NUDC: variants seen among roughly 807,000 people sequenced by gnomAD.
NUDC encodes nuclear distribution C, dynein complex regulator, also known as nuclear migration protein nudC.
A neutral mutation model predicts 45.0 loss-of-function variants in NUDC; 14 were observed. The ratio of observed to expected loss-of-function variants is 0.31; its 90% CI spans 0.21 to 0.49. The LOEUF (loss-of-function observed/expected upper bound fraction) is 0.49, where lower values mean the gene tolerates loss of function less well. NUDC is among the 20% of genes least tolerant of loss of function. The pLI, the probability that NUDC is intolerant of heterozygous loss-of-function variation, is 0.99. For missense variants in NUDC, 323 were observed against 426.2 expected, an observed-to-expected ratio of 0.76 and a Z score of 2.13; for synonymous variants, 153 against 156.7, an observed-to-expected ratio of 0.98 and a Z score of 0.17.
Position 26,921,773 on chromosome 1 carries a change from C to G in NUDC, c.-76C>G, listed in dbSNP as rs1014513867. On this transcript the variant is annotated 5_prime_UTR_variant, in exon 1 of 9. Coordinates refer to ENST00000321265, the MANE Select transcript of NUDC (RefSeq NM_006600.4). ...AGGCGGACGACTAGAGTCGTTGGGCCCGGCGCGACCCGCAGGAGCGTAGAG... is the reference window on the plus strand; with the variant it reads ...AGGCGGACGACTAGAGTCGTTGGGCGCGGCGCGACCCGCAGGAGCGTAGAG... 8 of 1,480,334 alleles carry G rather than the reference C, an allele frequency of 5.4e-6. No homozygotes were observed. In the African/African-American group the frequency reaches 5.6e-5, roughly 10 times the overall value. 91.7% of individuals were successfully genotyped at this position (1,480,334 alleles called of 1,614,324 possible). A position where few individuals can be genotyped will look rare whatever the true frequency, so the allele number is the denominator to read the frequency against.
intron 2 of NUDC, among the ~76,000 whole-genome samples, chr1:26,933,662 C>T (rs1391262054): frequency 6.6e-6 from 1 of 151,176 alleles, no homozygotes; most frequent in Non-Finnish European, 1.5e-5. Context: ...GATCCACCCG[C>T]CTCGGCCTCC....
intron 6 of NUDC, 38 bp downstream of exon 6, chr1:26,943,103 T>C: frequency 6.2e-7 from 1 of 1,607,950 alleles, no homozygotes; most frequent in Non-Finnish European, 8.5e-7. Context: ...GGGGTGTTGA[T>C]GGAAGTAGAA....
chr1:26,914,373 C>T (rs1188631633), intron 3 of NUDC, among the ~76,000 whole-genome samples: 3 of 152,190 alleles, frequency 2.0e-5, no homozygotes, highest in Non-Finnish European at 4.4e-5. Context: ...GAAGCCAGCC[C>T]CAGAGCTGGG....
At position 26,941,784 on chromosome 1, in the gene NUDC, T is replaced by C; in HGVS notation, c.395T>C (p.Leu132Pro). Reference protein sequence around the residue: ...KKDAENHEAQLKNGSLDSPGK... With the variant: ...KKDAENHEAQPKNGSLDSPGK... ...GATGCAGAGAATCATGAGGCCCAGC[T>C]CAAGAACGGCAGCCTTGACTCCCCA... The change falls in exon 4 of 9, where the codon CTC (leucine) becomes CCC (proline). Residue 132 changes from leucine (L) to proline (P), a missense_variant. Around this residue, in one of 3 missense-constraint regions of NUDC, gnomAD observed 245 missense variants for 278.8 expected, o/e 0.88. Transcript: ENST00000321265. 2 of 1,613,694 alleles carry C rather than the reference T, an allele frequency of 1.2e-6. No individual in the cohort carries two copies. Among genetic ancestry groups the C allele is most frequent in the Non-Finnish European group, 8.5e-7 (1 of 1,180,002 alleles).
intron 1 of NUDC, among the ~76,000 whole-genome samples, chr1:26,923,826 C>T (rs2082109936): frequency 6.6e-6 from 1 of 152,060 alleles, no homozygotes; most frequent in South Asian, 2.1e-4. Flanking sequence ...GCCCTGGATG[C>T]AGAGGAGTGT....
At chr1:26,944,716 C>T (rs1272128180) in intron 6 of NUDC, among the ~76,000 whole-genome samples, 1 of 151,886 alleles carries the variant, frequency 6.6e-6, no homozygotes, top group East Asian at 1.9e-4. Flanking sequence ...GCAGGAGAAT[C>T]GCTTGAACCC....
At chr1:26,932,719 AC>A (rs2082193840) in intron 2 of NUDC, among the ~76,000 whole-genome samples, 1 of 151,918 alleles carries the variant, frequency 6.6e-6, no homozygotes, top group Non-Finnish European at 1.5e-5. Context: ...GGGAACTGAA[AC>A]CCTGTACCCA....
chr1:26,929,406 GAAAAAACAAAAAA>G (rs1023478723), intron 2 of NUDC, among the ~76,000 whole-genome samples: 19 of 134,158 alleles, frequency 1.4e-4, no homozygotes, highest in Admixed American at 1.0e-3. Context: ...GACCCCTTCT[GAAAAAACAAAAAA>G]AAAAAACAAA....
chr1:26,912,150 C>T, intron 3 of NUDC: 1 of 1,599,896 alleles, frequency 6.3e-7, no homozygotes, highest in African/African-American at 1.3e-5. Context: ...AAGGACAAGA[C>T]TGGCCCAAGA....
intron 2 of NUDC, among the ~76,000 whole-genome samples, chr1:26,907,769 G>A (rs2082008793): frequency 1.3e-5 from 2 of 152,238 alleles, no homozygotes; most frequent in Admixed American, 1.3e-4. Context: ...TGGCTCAGAG[G>A]TAGATGGTCA....
At chr1:26,911,730 T>G (rs994819968) in intron 3 of NUDC, 5 of 1,229,252 alleles carry the variant, frequency 4.1e-6, no homozygotes, top group Admixed American at 1.9e-5. Context: ...AGGAGCCAAG[T>G]GCTGTCTATA....
chr1:26,911,695 G>A (rs2082027556), intron 3 of NUDC: 2 of 887,092 alleles, frequency 2.3e-6, no homozygotes, highest in South Asian at 1.5e-5. Flanking sequence ...AATGTGGGGT[G>A]TGGCTGAGTG....
At position 26,946,535 on chromosome 1, in the gene NUDC, C is replaced by T. The variant is rs760768019; in HGVS notation, c.*354C>T. The T allele has an allele frequency of 8.5e-6, 3 of 354,796 alleles. No individual in the cohort carries two copies. Among genetic ancestry groups the T allele is most frequent in the African/African-American group, 2.1e-5 (1 of 47,616 alleles). The allele number at this position is 354,796 out of a possible 1,614,324, so 22.0% of individuals were successfully genotyped here. A position where few individuals can be genotyped will look rare whatever the true frequency, so the allele number is the denominator to read the frequency against. On this transcript the variant is annotated 3_prime_UTR_variant, in exon 9 of 9. Transcript: ENST00000321265. Reference sequence around the variant, plus strand: ...CACATCCTTGCCCCTCTCTGGGCCTCAGTTTCTCATTACTTAAAGATTAAA... The same window carrying T: ...CACATCCTTGCCCCTCTCTGGGCCTTAGTTTCTCATTACTTAAAGATTAAA...
At chr1:26,904,121 A>G (rs2081992805) in intron 2 of NUDC, among the ~76,000 whole-genome samples, 1 of 149,088 alleles carries the variant, frequency 6.7e-6, no homozygotes, top group Non-Finnish European at 1.5e-5. Context: ...AGATAGGACC[A>G]TTATATCTAG....
intron 2 of NUDC, among the ~76,000 whole-genome samples, chr1:26,906,109 C>T (rs998925780): frequency 4.6e-5 from 7 of 152,230 alleles, no homozygotes; most frequent in African/African-American, 9.6e-5. Context: ...GTAGAAACCC[C>T]GTCTCTACTA....
intron 2 of NUDC, among the ~76,000 whole-genome samples, chr1:26,929,930 A>G (rs2082166835): frequency 6.6e-6 from 1 of 152,020 alleles, no homozygotes; most frequent in African/African-American, 2.4e-5. Context: ...AGGCTGAGGC[A>G]GGAGAATCAC....
chr1:26,930,781 C>T (rs984635669), intron 2 of NUDC, among the ~76,000 whole-genome samples: 2 of 151,320 alleles, frequency 1.3e-5, no homozygotes, highest in African/African-American at 2.4e-5. Flanking sequence ...CTTTGGAAGG[C>T]CGAGGTGGGC....
At chr1:26,927,264 CGTGTGTGT>C (rs60238934) in intron 2 of NUDC, among the ~76,000 whole-genome samples, 23 of 91,830 alleles carry the variant, frequency 2.5e-4, no homozygotes, top group Non-Finnish European at 3.2e-4. Flanking sequence ...AGAGATGAAC[CGTGTGTGT>C]GTGTGTGTGT....
intron 1 of NUDC, chr1:26,922,305 G>T (rs958568528): frequency 1.5e-5 from 5 of 343,748 alleles, no homozygotes; most frequent in Non-Finnish European, 2.8e-5. Flanking sequence ...CGTCGAATGT[G>T]TGTGGTAGGG....
Sources: allele counts gnomAD v4.1 joint callset (sites outside exome capture counted in the v4.1 genomes callset), GRCh38; gene constraint gnomAD v4.1.1; regional missense constraint gnomAD v4.1.1; transcripts MANE v1.5; gene names NCBI Gene and HGNC (gene_info 2026-07-23, HGNC 2026-07-21).